Variants in NKAIN3 observed in about 807,000 individuals in gnomAD.
NKAIN3 encodes the protein sodium/potassium transporting ATPase interacting 3.
A neutral mutation model predicts 30.2 loss-of-function variants in NKAIN3; 25 were observed. That is an observed-to-expected ratio of 0.83 (90% CI 0.60 to 1.16). The LOEUF (loss-of-function observed/expected upper bound fraction) is 1.16, where lower values mean the gene tolerates loss of function less well. Ranked by LOEUF, NKAIN3 falls within the 50% of genes most tolerant of loss-of-function variation. The probability of loss-of-function intolerance (pLI) is 0.00; values close to 1 mark genes in which losing one functional copy is unlikely to be tolerated. For missense variants in NKAIN3, 225 were observed against 254.1 expected (o/e 0.89, Z 0.78); for synonymous variants, 91 against 89.6 (o/e 1.02, Z -0.09).
At chr8:62,365,757 G>A (rs746344125) in intron 1 of NKAIN3, among the ~76,000 whole-genome samples, 2 of 121,168 alleles carry the variant, frequency 1.7e-5, no homozygotes, top group Non-Finnish European at 3.4e-5. Context: ...ATACCAATCA[G>A]TTCTTTCTCA....
At chr8:62,727,670 C>A (rs954321522) in intron 3 of NKAIN3, among the ~76,000 whole-genome samples, 3 of 152,000 alleles carry the variant, frequency 2.0e-5, no homozygotes, top group Non-Finnish European at 4.4e-5. Flanking sequence ...AGGAAAACTA[C>A]AAAATTCTGA....
chr8:62,410,846 G>T (rs1391597749), intron 1 of NKAIN3, among the ~76,000 whole-genome samples: 3 of 151,994 alleles, frequency 2.0e-5, no homozygotes, highest in South Asian at 4.2e-4. Context: ...CCAATATCAA[G>T]CTCTGAAATT....
chr8:62,684,568 C>T (rs1813738229), intron 3 of NKAIN3, among the ~76,000 whole-genome samples: 1 of 152,098 alleles, frequency 6.6e-6, no homozygotes, highest in Non-Finnish European at 1.5e-5. Context: ...TCAAAGCTGT[C>T]AGATCTATGA....
chr8:62,889,148 T>C (rs1821229073), intron 4 of NKAIN3, among the ~76,000 whole-genome samples: 1 of 152,014 alleles, frequency 6.6e-6, no homozygotes, highest in African/African-American at 2.4e-5. Context: ...GCGGGTGGAT[T>C]ACCTGAGATC....
intron 1 of NKAIN3, among the ~76,000 whole-genome samples, chr8:62,471,294 T>A (rs1806333367): frequency 6.6e-6 from 1 of 151,920 alleles, no homozygotes; most frequent in South Asian, 2.1e-4. Flanking sequence ...TCTGTAACAA[T>A]TTACTTCTCT....
intron 6 of NKAIN3, among the ~76,000 whole-genome samples, chr8:62,956,833 A>C (rs1013862534): frequency 2.6e-5 from 4 of 152,332 alleles, no homozygotes; most frequent in Non-Finnish European, 4.4e-5. Flanking sequence ...GGAGATCTAC[A>C]TAGAAAGGGT....
intron 3 of NKAIN3, among the ~76,000 whole-genome samples, chr8:62,741,708 T>C (rs1815899011): frequency 6.6e-6 from 1 of 152,204 alleles, no homozygotes; most frequent in African/African-American, 2.4e-5. Flanking sequence ...CAACTCTAAT[T>C]GCAGCTTTGT....
intron 4 of NKAIN3, among the ~76,000 whole-genome samples, chr8:62,887,704 G>GT (rs563069008): frequency 3.3e-3 from 504 of 152,156 alleles, no homozygotes; most frequent in Admixed American, 8.2e-3. Flanking sequence ...CTTATACAAT[G>GT]TTTTTTATCT....
At chr8:62,509,830 C>T (rs536896663) in intron 1 of NKAIN3, among the ~76,000 whole-genome samples, 12 of 152,100 alleles carry the variant, frequency 7.9e-5, no homozygotes, top group South Asian at 2.1e-4. Context: ...CCATGAAGAC[C>T]GTTTATGGCA....
chr8:62,536,429 A>T (rs1052916000), intron 1 of NKAIN3, among the ~76,000 whole-genome samples: 1 of 152,160 alleles, frequency 6.6e-6, no homozygotes, highest in Non-Finnish European at 1.5e-5. Flanking sequence ...TAATGTTAAC[A>T]TATGTCCTTT....
rs1483041063 is a variant in NKAIN3 at position 62,979,332 on chromosome 8, G to A, written c.*13925G>A. The stretch of plus-strand genomic sequence containing the variant: ...TTAAGCAATATCCCATGAAGTAGCT[G>A]AAAAGTGTTATATTCTCCTAATACC... On this transcript the variant is annotated 3_prime_UTR_variant, in exon 7 of 7. Transcript: ENST00000623646. The A allele has an allele frequency of 6.6e-6, 1 of 152,150 alleles. No homozygotes were observed. The highest frequency in any genetic ancestry group is 1.9e-4 in the East Asian group (1 of 5,168). The allele number at this position is 152,150 out of a possible 1,614,324, so 9.4% of individuals were successfully genotyped here.
intron 1 of NKAIN3, among the ~76,000 whole-genome samples, chr8:62,315,675 A>G (rs1444611803): frequency 6.6e-6 from 1 of 152,236 alleles, no homozygotes; most frequent in Non-Finnish European, 1.5e-5. Flanking sequence ...CCAGTTAAAA[A>G]AATGAGTTGT....
intron 2 of NKAIN3, among the ~76,000 whole-genome samples, chr8:62,581,938 T>C (rs1810312624): frequency 9.4e-6 from 1 of 106,322 alleles, no homozygotes; most frequent in African/African-American, 5.3e-5. Context: ...TTTTCCTTCC[T>C]CCCTCCCACC....
At chr8:62,605,876 G>A (rs910315414) in intron 3 of NKAIN3, among the ~76,000 whole-genome samples, 1 of 152,056 alleles carries the variant, frequency 6.6e-6, no homozygotes, top group African/African-American at 2.4e-5. Context: ...TCTATTAAAT[G>A]AGTATTCACA....
At chr8:62,535,815 G>A (rs1400417462) in intron 1 of NKAIN3, among the ~76,000 whole-genome samples, 3 of 151,950 alleles carry the variant, frequency 2.0e-5, no homozygotes, top group Non-Finnish European at 4.4e-5. Flanking sequence ...CAGAGAATAG[G>A]GTGGGATCCT....
chr8:62,954,717 T>C (rs1823375782), intron 6 of NKAIN3, among the ~76,000 whole-genome samples: 1 of 152,254 alleles, frequency 6.6e-6, no homozygotes, highest in Non-Finnish European at 1.5e-5. Flanking sequence ...ATAGCTATCA[T>C]ACACTAACCA....
intron 6 of NKAIN3, among the ~76,000 whole-genome samples, chr8:62,964,533 AGAGAGT>A (rs1823650021): frequency 9.3e-6 from 1 of 107,014 alleles, no homozygotes; most frequent in African/African-American, 3.4e-5. Flanking sequence ...AGAGAGAGAG[AGAGAGT>A]GTGTGTGTGT....
chr8:62,555,258 T>C (rs996553672), intron 1 of NKAIN3, among the ~76,000 whole-genome samples: 2 of 151,776 alleles, frequency 1.3e-5, no homozygotes, highest in Non-Finnish European at 2.9e-5. Context: ...ACTTGTGAGG[T>C]GATAGAAAAA....
chr8:62,950,632 A>G (rs1823256541), intron 5 of NKAIN3, among the ~76,000 whole-genome samples: 1 of 152,182 alleles, frequency 6.6e-6, no homozygotes, highest in Non-Finnish European at 1.5e-5. Flanking sequence ...TAACAGTTTA[A>G]AAAGAAAGAA....
Sources: gnomAD v4.1 joint callset for allele counts (sites outside exome capture counted in the v4.1 genomes callset) on GRCh38, gnomAD v4.1.1 for gene constraint, MANE v1.5 for transcripts, NCBI Gene and HGNC (gene_info 2026-07-23, HGNC 2026-07-21) for gene names.